Variants in ZFP28 observed in about 807,000 individuals in gnomAD.
ZFP28 encodes zinc finger protein 28 homolog.
In ZFP28, 31 loss-of-function variants were observed where a neutral mutation model predicts 39.5. The observed-to-expected ratio is 0.79, with a 90% CI of 0.59 to 1.06. ZFP28 has a LOEUF of 1.06. Among genes scored for constraint, ZFP28 ranks in the 50% least tolerant of loss-of-function variants. The pLI, the probability that ZFP28 is intolerant of heterozygous loss-of-function variation, is 0.00. For missense variants in ZFP28, 925 were observed against 1,048.4 expected (o/e 0.88, Z 1.63); for synonymous variants, 400 against 378.6 (o/e 1.06, Z -0.66).
At chr19:56,539,481 A>G (rs1344484899) in intron 1 of ZFP28, 144 bp from the exon 2 acceptor site, 27 of 769,244 alleles carry the variant, frequency 3.5e-5, no homozygotes, top group Admixed American at 2.9e-4. Flanking sequence ...CCCAGGGAGG[A>G]AAAAAACCTA....
intron 4 of ZFP28, among the ~76,000 whole-genome samples, 172 bp from the exon 5 acceptor site, chr19:56,548,786 A>G (rs2044266031): frequency 6.6e-6 from 1 of 152,234 alleles, no homozygotes; most frequent in Admixed American, 6.5e-5. Context: ...GGTTGGTTGA[A>G]TATTGCTAGT....
Position 56,547,678 on chromosome 19 carries a change from T to C in ZFP28, c.427+44T>C. 6.3e-7 allele frequency: 1 copy of C among 1,585,564 alleles called. No individual in the cohort carries two copies. ...TTTCCCACCCCTCACCCTACCCACG[T>C]CCTGGACTAAGAAGCCTTTCATGCC... On this transcript the variant is annotated intron_variant, in intron 3 of 7. Transcript: ENST00000301318. The surrounding 1 kb of genome is among the most constrained non-coding windows in gnomAD (Gnocchi z 4.6).
chr19:56,555,217 G>A lies in ZFP28; in HGVS notation c.2432G>A (p.Arg811Lys). The change falls in exon 8 of 8, where the codon AGA becomes AAA. Residue 811 changes from arginine to lysine, a missense_variant. Arg to Lys is a conservative substitution (Grantham distance 26). This residue lies in a region of ZFP28 where 369 missense variants were observed against 505.5 expected (regional missense o/e 0.73). Transcript: ENST00000301318. ...NQHKRVHTGE[R>K]SYNYKKSRKV... ...CATAAGAGAGTTCATACTGGAGAGA[G>A]ATCTTATAACTATAAGAAAAGCAGA... is the stretch of plus-strand genomic sequence containing the variant. 1 of 1,614,128 alleles carries A rather than the reference G, an allele frequency of 6.2e-7. No individual in the cohort carries two copies. Among genetic ancestry groups the A allele is most frequent in the South Asian group, 1.1e-5 (1 of 91,082 alleles).
rs998061939 is a variant in ZFP28, at chr19:56,556,512, G to A, written c.*1120G>A. The A allele has an allele frequency of 1.3e-5, 2 of 152,194 alleles. No homozygotes were observed. The highest frequency in any genetic ancestry group is 2.9e-5 in the Non-Finnish European group (2 of 68,036). The allele number at this position is 152,194 out of a possible 1,614,324, so 9.4% of individuals were successfully genotyped here. Reference sequence around the variant, plus strand: ...TAGAGTTTTATCAAACCACAGCCATGCTTACTTGTTTAGCTATTGACTATG... The same window carrying A: ...TAGAGTTTTATCAAACCACAGCCATACTTACTTGTTTAGCTATTGACTATG... On this transcript the variant is annotated 3_prime_UTR_variant, in exon 8 of 8. Transcript: ENST00000301318.
chr19:56,543,156 T>A (rs1016862099), intron 2 of ZFP28, among the ~76,000 whole-genome samples: 3 of 151,966 alleles, frequency 2.0e-5, no homozygotes, highest in African/African-American at 7.2e-5. Context: ...ATTAACTGAA[T>A]TGAATTTAAA....
intron 5 of ZFP28, among the ~76,000 whole-genome samples, chr19:56,549,710 C>T (rs188202498): frequency 2.6e-5 from 4 of 152,226 alleles, no homozygotes; most frequent in Non-Finnish European, 4.4e-5. Flanking sequence ...ATATCAACCC[C>T]TCCTTTTCAT....
At chr19:56,538,221 C>G (rs2044152166), upstream of ZFP28, 1 of 152,298 alleles carries the variant, frequency 6.6e-6, no homozygotes, top group African/African-American at 2.4e-5. Context: ...CACAAGCTCT[C>G]TACATCCCCC....
At chr19:56,539,531 G>C in intron 1 of ZFP28, 94 bp from the exon 2 acceptor site, 1 of 1,116,746 alleles carries the variant, frequency 9.0e-7, no homozygotes, top group Non-Finnish European at 1.3e-6. Context: ...GTAATGATCT[G>C]ATCCCACCTT....
chr19:56,556,392 C>A lies in ZFP28; in HGVS notation c.*1000C>A, dbSNP rs2044351217. ...AGAGCCCAAATATCTACTGTCTGATCCTACACAGAAAATGTGTGTGATCCC... is the reference window on the plus strand; with the variant it reads ...AGAGCCCAAATATCTACTGTCTGATACTACACAGAAAATGTGTGTGATCCC... On this transcript the variant is annotated 3_prime_UTR_variant, in exon 8 of 8. Transcript: ENST00000301318. 1 of 152,126 alleles carries A rather than the reference C, an allele frequency of 6.6e-6. No individual in the cohort carries two copies. The highest frequency in any genetic ancestry group is 2.1e-4 in the South Asian group (1 of 4,830). The allele number at this position is 152,126 out of a possible 1,614,324, so 9.4% of individuals were successfully genotyped here. A position where few individuals can be genotyped will look rare whatever the true frequency, so the allele number is the denominator to read the frequency against.
intron 2 of ZFP28, 37 bp downstream of exon 2, chr19:56,539,753 G>T: frequency 1.3e-6 from 2 of 1,580,522 alleles, no homozygotes; most frequent in Non-Finnish European, 8.7e-7. Flanking sequence ...CTGAAATGCA[G>T]TCTTGCTTTT....
chr19:56,546,502 C>T (rs1052750360), intron 2 of ZFP28: 1 of 152,196 alleles, frequency 6.6e-6, no homozygotes, highest in South Asian at 2.1e-4. Flanking sequence ...GATAGCTCCT[C>T]ATAATGCCTA....
intron 2 of ZFP28, among the ~76,000 whole-genome samples, chr19:56,540,236 G>C (rs979570780): frequency 6.6e-6 from 1 of 152,234 alleles, no homozygotes; most frequent in Non-Finnish European, 1.5e-5. Flanking sequence ...GTAGCGGAAG[G>C]GTAGGCCTAT....
At chr19:56,550,772 T>G in intron 7 of ZFP28, 167 bp downstream of exon 7, 1 of 1,533,190 alleles carries the variant, frequency 6.5e-7, no homozygotes, top group South Asian at 1.2e-5. Flanking sequence ...TTCCTCCTCC[T>G]TTGCCCCCTT....
In ZFP28 at chr19:56,555,264, C is replaced by T; in HGVS notation, c.2479C>T (p.His827Tyr). The T allele has an allele frequency of 6.2e-7, 1 of 1,614,172 alleles. No individual in the cohort carries two copies. The highest frequency in any genetic ancestry group is 8.5e-7 in the Non-Finnish European group (1 of 1,180,030). Reference sequence around the variant, plus strand: ...CAGAAAAGTCTTCAGGCAAACTGCTCACTTAGCTCATCATCAGCGAATTCA... The same window carrying T: ...CAGAAAAGTCTTCAGGCAAACTGCTTACTTAGCTCATCATCAGCGAATTCA... ...KSRKVFRQTA[H>Y]LAHHQRIHTG... The change falls in exon 8 of 8, where the codon CAC (histidine) becomes TAC (tyrosine). Residue 827 changes from histidine to tyrosine, a missense_variant. Coordinates refer to ENST00000301318, the MANE Select transcript of ZFP28 (RefSeq NM_020828.2).
At chr19:56,542,974 C>T (rs1007692582) in intron 2 of ZFP28, among the ~76,000 whole-genome samples, 2 of 152,012 alleles carry the variant, frequency 1.3e-5, no homozygotes, top group Non-Finnish European at 2.9e-5. Context: ...TTTTTCTTGC[C>T]TCATGGATTA....
chr19:56,539,506 C>A, intron 1 of ZFP28, 119 bp from the exon 2 acceptor site: 1 of 857,560 alleles, frequency 1.2e-6, no homozygotes, highest in Non-Finnish European at 1.8e-6. Flanking sequence ...CACGTTGTGG[C>A]AGTCCCTAGG....
chr19:56,541,503 T>G (rs900995314), intron 2 of ZFP28, among the ~76,000 whole-genome samples: 2 of 152,116 alleles, frequency 1.3e-5, no homozygotes, highest in African/African-American at 4.8e-5. Flanking sequence ...ACATGTCACC[T>G]TGTGTCACGC....
upstream of ZFP28, chr19:56,538,335 C>G (rs891851711): frequency 1.2e-4 from 19 of 152,382 alleles, no homozygotes; most frequent in Admixed American, 7.9e-4. Flanking sequence ...CCGCAAGGAG[C>G]TGACGCCCAG....
At chr19:56,551,013 G>A in intron 7 of ZFP28, 1 of 1,258,976 alleles carries the variant, frequency 7.9e-7, no homozygotes, top group Non-Finnish European at 1.0e-6. Flanking sequence ...CTGAGTATTG[G>A]CAGGCGATTG....
Sources: allele counts gnomAD v4.1 joint callset (sites outside exome capture counted in the v4.1 genomes callset), GRCh38; gene constraint gnomAD v4.1.1; regional missense constraint gnomAD v4.1.1; non-coding constraint Gnocchi (gnomAD v3.1); transcripts MANE v1.5; gene names NCBI Gene and HGNC (gene_info 2026-07-23, HGNC 2026-07-21).